ANO10: variants seen among roughly 807,000 people sequenced by gnomAD.
The protein encoded by ANO10 is anoctamin 10, also known as anoctamin-10.
ANO10 carries 77 observed loss-of-function variants against 74.7 expected under a neutral mutation model. That is an observed-to-expected ratio of 1.03 (90% CI 0.86 to 1.25). The LOEUF is 1.25. Ranked by LOEUF, ANO10 falls within the 50% of genes most tolerant of loss-of-function variation. The probability of loss-of-function intolerance (pLI) is 0.00; values close to 1 mark genes in which losing one functional copy is unlikely to be tolerated. For missense variants in ANO10, 721 were observed against 778.1 expected, an observed-to-expected ratio of 0.93 and a Z score of 0.87; for synonymous variants, 279 against 284.9, an observed-to-expected ratio of 0.98 and a Z score of 0.21.
chr3:43,684,705 G>T (rs2084251099), intron 1 of ANO10, among the ~76,000 whole-genome samples: 2 of 152,050 alleles, frequency 1.3e-5, no homozygotes, highest in Non-Finnish European at 2.9e-5. Context: ...TGATAGACTG[G>T]ATTAAGAAAA....
intron 1 of ANO10, among the ~76,000 whole-genome samples, chr3:43,636,054 G>C (rs936878303): frequency 6.6e-6 from 1 of 152,110 alleles, no homozygotes; most frequent in Non-Finnish European, 1.5e-5. Context: ...AAAAAACAGA[G>C]TTGTCCTAGT....
At chr3:43,486,264 C>T (rs1194205093) in intron 11 of ANO10, among the ~76,000 whole-genome samples, 1 of 152,218 alleles carries the variant, frequency 6.6e-6, no homozygotes, top group Non-Finnish European at 1.5e-5. Flanking sequence ...TTTATTCTCT[C>T]CCCTATAACC....
At chr3:43,690,979 G>A (rs1049863153) in intron 1 of ANO10, 3 of 1,572,446 alleles carry the variant, frequency 1.9e-6, no homozygotes, top group Non-Finnish European at 1.7e-6. Flanking sequence ...CCCGGCGCTT[G>A]CGCGGCGGCG....
intron 11 of ANO10, among the ~76,000 whole-genome samples, chr3:43,510,431 CA>C (rs58246025): frequency 2.5e-4 from 33 of 131,154 alleles, no homozygotes; most frequent in South Asian, 2.4e-4. Flanking sequence ...AACTCTGTCT[CA>C]AAAAAAAAAA....
intron 1 of ANO10, among the ~76,000 whole-genome samples, chr3:43,663,955 C>T (rs1385467153): frequency 1.3e-5 from 2 of 152,160 alleles, no homozygotes; most frequent in Non-Finnish European, 2.9e-5. Context: ...GGCCTTACTG[C>T]CCAAAGTAAT....
chr3:43,592,024 C>A (rs1340417527), intron 4 of ANO10, among the ~76,000 whole-genome samples: 1 of 152,240 alleles, frequency 6.6e-6, no homozygotes, highest in Non-Finnish European at 1.5e-5. Flanking sequence ...TGAGATCGAA[C>A]TGCAAGGCAG....
chr3:43,539,510 C>T (rs1006676170), intron 11 of ANO10, among the ~76,000 whole-genome samples: 5 of 152,108 alleles, frequency 3.3e-5, no homozygotes, highest in Admixed American at 6.6e-5. Context: ...AGGAGGGTGA[C>T]GCACCTAGCA....
chr3:43,490,930 C>T (rs1310008005), intron 11 of ANO10, among the ~76,000 whole-genome samples: 1 of 152,074 alleles, frequency 6.6e-6, no homozygotes, highest in East Asian at 1.9e-4. Context: ...ATAGAGAACA[C>T]CTGAAACTGG....
At chr3:43,519,286 T>A (rs1178171026) in intron 11 of ANO10, among the ~76,000 whole-genome samples, 2 of 152,192 alleles carry the variant, frequency 1.3e-5, no homozygotes, top group Non-Finnish European at 2.9e-5. Flanking sequence ...TGTTTCCCTT[T>A]AGCTCTTCCA....
intron 12 of ANO10, among the ~76,000 whole-genome samples, chr3:43,403,023 C>A (rs1025556488): frequency 3.3e-5 from 5 of 152,200 alleles, no homozygotes; most frequent in Admixed American, 3.3e-4. Context: ...CTTTGCTCTG[C>A]CCTCCCACAG....
intron 12 of ANO10, among the ~76,000 whole-genome samples, chr3:43,396,276 T>C (rs563679362): frequency 9.9e-5 from 15 of 152,256 alleles, no homozygotes; most frequent in Middle Eastern, 3.4e-3. Flanking sequence ...CTGGATGATG[T>C]CCCATAGTTC....
At chr3:43,480,103 G>A (rs1399366512) in intron 11 of ANO10, among the ~76,000 whole-genome samples, 2 of 152,090 alleles carry the variant, frequency 1.3e-5, no homozygotes, top group Admixed American at 6.6e-5. Flanking sequence ...AAGAGCTCTT[G>A]GATACTAAAC....
At chr3:43,395,450 G>A (rs929691461) in intron 12 of ANO10, among the ~76,000 whole-genome samples, 4 of 152,068 alleles carry the variant, frequency 2.6e-5, no homozygotes, top group Admixed American at 6.6e-5. Flanking sequence ...TTACATCTAC[G>A]TCTATAATCC....
intron 11 of ANO10, among the ~76,000 whole-genome samples, chr3:43,461,623 T>C (rs2075382865): frequency 6.6e-6 from 1 of 152,172 alleles, no homozygotes; most frequent in African/African-American, 2.4e-5. Flanking sequence ...CTGCACAAGC[T>C]CTCTCCCTTT....
At position 43,432,493 on chromosome 3, in the gene ANO10, G is replaced by A. The variant is rs558619882; in HGVS notation, c.1914+118C>T. ...ATGTCATCCTGAACTGGAGTCCTCT[G>A]TATTCATTTAAACTGGTAACTTCAA... On this transcript the variant is annotated intron_variant, in intron 12 of 12. Transcript: ENST00000292246. 50 of 863,980 alleles carry A rather than the reference G, an allele frequency of 5.8e-5. No homozygotes were observed. The South Asian group carries it at 6.5e-4, about 11-fold the overall frequency. 53.5% of individuals were successfully genotyped at this position (863,980 alleles called of 1,614,324 possible).
chr3:43,432,038 T>G (rs963040731), intron 12 of ANO10, among the ~76,000 whole-genome samples: 6 of 151,892 alleles, frequency 4.0e-5, no homozygotes, highest in Non-Finnish European at 8.8e-5. Context: ...TGAGAGATAC[T>G]CCAGGTGTCT....
At chr3:43,571,862 T>TAAAAAAAAAAA (rs35839099) in intron 7 of ANO10, among the ~76,000 whole-genome samples, 1 of 118,546 alleles carries the variant, frequency 8.4e-6, no homozygotes, top group African/African-American at 3.2e-5. Context: ...TTTCCTACAT[T>TAAAAAAAAAAA]AAAAAAAAAA....
chr3:43,491,471 G>A (rs1186000166), intron 11 of ANO10, among the ~76,000 whole-genome samples: 3 of 152,100 alleles, frequency 2.0e-5, no homozygotes, highest in African/African-American at 4.8e-5. Context: ...CCAAGATTGC[G>A]CCATTGCACT....
chr3:43,538,328 T>C (rs1222869286), intron 11 of ANO10, among the ~76,000 whole-genome samples: 1 of 151,910 alleles, frequency 6.6e-6, no homozygotes, highest in Non-Finnish European at 1.5e-5. Flanking sequence ...GGAAAAAAAA[T>C]AAGAAAAGAG....
Sources: allele counts gnomAD v4.1 joint callset (sites outside exome capture counted in the v4.1 genomes callset), GRCh38; gene constraint gnomAD v4.1.1; transcripts MANE v1.5; gene names NCBI Gene and HGNC (gene_info 2026-07-23, HGNC 2026-07-21).